The following ANKRD54 variants were observed in gnomAD, a reference collection of about 807,000 sequenced individuals.
ANKRD54 encodes the protein ankyrin repeat domain 54.
A neutral mutation model predicts 36.2 loss-of-function variants in ANKRD54; 26 were observed. That is an observed-to-expected ratio of 0.72 (90% CI 0.53 to 1.00). The LOEUF is 1.00. Ranked by LOEUF, ANKRD54 falls within the 50% of genes least tolerant of loss-of-function variation. The probability of loss-of-function intolerance (pLI) is 0.00; values close to 1 mark genes in which losing one functional copy is unlikely to be tolerated. For synonymous variants in ANKRD54, 209 were observed against 188.4 expected, an observed-to-expected ratio of 1.11 and a Z score of -0.89; for missense variants, 384 against 424.3, an observed-to-expected ratio of 0.91 and a Z score of 0.83.
chr22:37,844,389 G>T, upstream of ANKRD54: 1 of 799,982 alleles, frequency 1.3e-6, no homozygotes, highest in South Asian at 2.1e-5. Context: ...GGCTCAGGCC[G>T]AGACAGAGCG....
At position 37,843,984 on chromosome 22, in the gene ANKRD54, C is replaced by T. The variant is rs554402985; in HGVS notation, c.255G>A (p.Lys85=). The change falls in exon 1 of 8, where the codon AAG becomes AAA. Residue 85 remains lysine (K), a synonymous_variant. Transcript: ENST00000215941. ...DAEPRDELRC[K]IPAGRLRRAA... ...CGCGCCTCAGCCGGCCAGCGGGTAT[C>T]TTGCAGCGCAGCTCGTCGCGCGGCT... 2 of 1,418,602 alleles carry T rather than the reference C, an allele frequency of 1.4e-6. No individual in the cohort carries two copies. The highest frequency in any genetic ancestry group is 3.0e-5 in the East Asian group (1 of 32,874). 87.9% of individuals were successfully genotyped at this position (1,418,602 alleles called of 1,614,324 possible). A position where few individuals can be genotyped will look rare whatever the true frequency, so the allele number is the denominator to read the frequency against.
chr22:37,835,409 T>A (rs1319087813), intron 3 of ANKRD54, among the ~76,000 whole-genome samples: 1 of 152,068 alleles, frequency 6.6e-6, no homozygotes, highest in Non-Finnish European at 1.5e-5. Context: ...CTTGTGTTCA[T>A]CAAAGTATAC....
chr22:37,849,185 C>T (rs867258974), upstream of ANKRD54: 7 of 492,636 alleles, frequency 1.4e-5, no homozygotes, highest in Non-Finnish European at 2.6e-5. Flanking sequence ...GGGGTTTCTC[C>T]ATATTGGTCA....
chr22:37,841,721 G>A (rs563435917), intron 1 of ANKRD54, among the ~76,000 whole-genome samples: 2 of 151,970 alleles, frequency 1.3e-5, no homozygotes, highest in East Asian at 3.9e-4. Context: ...GGTGGTGCAT[G>A]CCTGTTATCC....
intron 3 of ANKRD54, among the ~76,000 whole-genome samples, chr22:37,837,270 A>T (rs1441681125): frequency 6.6e-6 from 1 of 152,084 alleles, no homozygotes; most frequent in Admixed American, 6.5e-5. Flanking sequence ...AGCTAAATAC[A>T]TGTGTACCCT....
chr22:37,840,899 A>C (rs902550397), intron 1 of ANKRD54, among the ~76,000 whole-genome samples: 1 of 152,048 alleles, frequency 6.6e-6, no homozygotes, highest in Non-Finnish European at 1.5e-5. Flanking sequence ...AAAAAAACAA[A>C]AACAACAAAA....
At chr22:37,839,387 TTA>T (rs1473117379) in intron 2 of ANKRD54, among the ~76,000 whole-genome samples, 1 of 152,130 alleles carries the variant, frequency 6.6e-6, no homozygotes, top group Non-Finnish European at 1.5e-5. Context: ...AATTTTTTTC[TTA>T]TGTTATTTAT....
intron 2 of ANKRD54, 88 bp downstream of exon 2, chr22:37,840,099 A>T: frequency 6.8e-7 from 1 of 1,480,684 alleles, no homozygotes; most frequent in South Asian, 1.1e-5. Flanking sequence ...GAGTTTGCAG[A>T]CTGCCTTCCC....
At chr22:37,841,401 C>T (rs1924221785) in intron 1 of ANKRD54, among the ~76,000 whole-genome samples, 1 of 152,058 alleles carries the variant, frequency 6.6e-6, no homozygotes, top group Non-Finnish European at 1.5e-5. Context: ...GGGTGCACGC[C>T]TACAATCCCA....
At chr22:37,847,775 A>G, upstream of ANKRD54, 1 of 436,002 alleles carries the variant, frequency 2.3e-6, no homozygotes, top group Admixed American at 3.0e-5. Context: ...AGGGTCGGTA[A>G]AGCTTAAGCT....
rs561938325 is a variant in ANKRD54, at chr22:37,840,219, C to T, written c.344G>A (p.Arg115Lys). 1 of 1,614,026 alleles carries T rather than the reference C, an allele frequency of 6.2e-7. No homozygotes were observed. The highest frequency in any genetic ancestry group is 2.2e-5 in the East Asian group (1 of 44,882). ...GKEVHALKRL[R>K]DSANANDVET... Reference sequence around the variant, plus strand: ...CACATCATTGGCATTGGCCGAGTCCCTCAGTCTCTTCAGAGCTGTAAAGAG... The same window carrying T: ...CACATCATTGGCATTGGCCGAGTCCTTCAGTCTCTTCAGAGCTGTAAAGAG... The change falls in exon 2 of 8, where the codon AGG becomes AAG. Residue 115 changes from arginine to lysine, a missense_variant. This residue lies in a region of ANKRD54 where 10 missense variants were observed against 22.5 expected (regional missense o/e 0.44). Coordinates refer to ENST00000215941, the MANE Select transcript of ANKRD54 (RefSeq NM_138797.4).
chr22:37,833,082 C>A lies in ANKRD54; in HGVS notation c.596G>T (p.Gly199Val). Reference protein sequence around the residue: ...VPVITTLLRGGARVDALDRAG... With the variant: ...VPVITTLLRGVARVDALDRAG... ...TCGGTCCAGGGCATCTACACGGGCC[C>A]CTGCAGGTACCAGCTGAGGTGAGCA... Residue 199 changes from glycine (G) to valine (V), a missense_variant and splice_region_variant, in exon 6 of 8, where the codon GGG becomes GTG. Physicochemically the swap from Gly to Val is moderately radical, Grantham distance 109. This residue lies in a region of ANKRD54 where 179 missense variants were observed against 224.0 expected (regional missense o/e 0.80). Transcript: ENST00000215941. 1.2e-6 allele frequency: 2 copies of A among 1,614,068 alleles called. No individual in the cohort carries two copies. Among genetic ancestry groups the A allele is most frequent in the Non-Finnish European group, 1.7e-6 (2 of 1,180,004 alleles).
upstream of ANKRD54, among the ~76,000 whole-genome samples, chr22:37,847,351 G>A (rs1037921949): frequency 4.0e-5 from 6 of 151,496 alleles, no homozygotes; most frequent in Admixed American, 2.0e-4. Flanking sequence ...TAGTAGAGAC[G>A]GGGTTTCACT....
At chr22:37,845,698 G>A (rs1273543316), upstream of ANKRD54, among the ~76,000 whole-genome samples, 2 of 152,006 alleles carry the variant, frequency 1.3e-5, no homozygotes, top group Non-Finnish European at 2.9e-5. Flanking sequence ...ATGAAACCTC[G>A]TTTCTACTAA....
upstream of ANKRD54, chr22:37,849,070 T>A: frequency 2.5e-6 from 1 of 396,062 alleles, no homozygotes; most frequent in Non-Finnish European, 4.5e-6. Context: ...CACCGCAACC[T>A]CCGCCTCCCG....
At chr22:37,840,902 C>A (rs1371556788) in intron 1 of ANKRD54, among the ~76,000 whole-genome samples, 2 of 151,562 alleles carry the variant, frequency 1.3e-5, no homozygotes, top group Non-Finnish European at 2.9e-5. Context: ...AAAACAAAAA[C>A]AACAAAAACC....
In ANKRD54 at chr22:37,833,101, G is replaced by A. The variant is rs769644628; in HGVS notation, c.596-19C>T. On this transcript the variant is annotated intron_variant, in intron 5 of 7. Transcript: ENST00000215941. Reference sequence around the variant, plus strand: ...CGGGCCCCTGCAGGTACCAGCTGAGGTGAGCATTCTGGGGGTGAGGGGGAG... The same window carrying A: ...CGGGCCCCTGCAGGTACCAGCTGAGATGAGCATTCTGGGGGTGAGGGGGAG... 2 of 1,613,996 alleles carry A rather than the reference G, an allele frequency of 1.2e-6. No homozygotes were observed. Among genetic ancestry groups the A allele is most frequent in the Non-Finnish European group, 8.5e-7 (1 of 1,180,010 alleles).
chr22:37,843,910 C>G lies in ANKRD54; in HGVS notation c.328+1G>C. The G allele has an allele frequency of 1.6e-6, 2 of 1,258,968 alleles. No individual in the cohort carries two copies. Among genetic ancestry groups the G allele is most frequent in the Non-Finnish European group, 2.0e-6 (2 of 1,005,100 alleles). 78.0% of individuals were successfully genotyped at this position (1,258,968 alleles called of 1,614,324 possible). A position where few individuals can be genotyped will look rare whatever the true frequency, so the allele number is the denominator to read the frequency against. On this transcript the variant is annotated splice_donor_variant, in intron 1 of 7. Transcript: ENST00000215941. LOFTEE classifies it high-confidence loss of function. Reference sequence around the variant, plus strand: ...GCCCCCGCGCCGCTCGCGCCGCTCACCGTGCACCTCCTTGCCCGTGGGCCC... The same window carrying G: ...GCCCCCGCGCCGCTCGCGCCGCTCAGCGTGCACCTCCTTGCCCGTGGGCCC...
At chr22:37,846,682 A>G (rs1601745051), upstream of ANKRD54, among the ~76,000 whole-genome samples, 1 of 151,742 alleles carries the variant, frequency 6.6e-6, no homozygotes, top group Non-Finnish European at 1.5e-5. Flanking sequence ...TGATCCTCCC[A>G]CCTTGGCCTC....
Sources: allele counts gnomAD v4.1 joint callset (sites outside exome capture counted in the v4.1 genomes callset), GRCh38; gene constraint gnomAD v4.1.1; regional missense constraint gnomAD v4.1.1; transcripts MANE v1.5; gene names NCBI Gene and HGNC (gene_info 2026-07-23, HGNC 2026-07-21).